Variants in DCTN5 observed in about 807,000 individuals in gnomAD.
The protein encoded by DCTN5 is dynactin subunit 5.
Under a neutral mutation model 23.5 loss-of-function variants are expected in DCTN5, and 14 were observed. The observed-to-expected ratio is 0.60, with a 90% confidence interval of 0.39 to 0.93. The LOEUF (loss-of-function observed/expected upper bound fraction) is 0.93, where lower values mean the gene tolerates loss of function less well. DCTN5 is among the 40% of genes least tolerant of loss of function. The probability of loss-of-function intolerance (pLI) is 0.00; values close to 1 mark genes in which losing one functional copy is unlikely to be tolerated. For missense variants in DCTN5, 156 were observed against 225.9 expected (o/e 0.69, Z 1.98); for synonymous variants, 67 against 79.6 (o/e 0.84, Z 0.84).
chr16:23,659,224 C>A (rs114745937), intron 3 of DCTN5, among the ~76,000 whole-genome samples: 1 of 152,148 alleles, frequency 6.6e-6, no homozygotes, highest in African/African-American at 2.4e-5. Flanking sequence ...CTGATCTGAA[C>A]GACTTTGACC....
chr16:23,653,159 A>G (rs1372228250), intron 2 of DCTN5, among the ~76,000 whole-genome samples: 1 of 152,178 alleles, frequency 6.6e-6, no homozygotes, highest in Admixed American at 6.5e-5. Context: ...ATGAAAAAAT[A>G]AAAAATCAGT....
chr16:23,658,500 C>G lies in DCTN5; in HGVS notation c.118-7C>G. 1 of 1,609,034 alleles carries G rather than the reference C, an allele frequency of 6.2e-7. No homozygotes were observed. The highest frequency in any genetic ancestry group is 8.5e-7 in the Non-Finnish European group (1 of 1,175,414). The stretch of plus-strand genomic sequence containing the variant: ...GCTAATTTTTTAAAATTTGCTTCGT[C>G]TTACAGACCATTGTGATGAATGACT... On this transcript the variant is annotated splice_region_variant and splice_polypyrimidine_tract_variant and intron_variant, in intron 2 of 5. Coordinates refer to ENST00000300087, the MANE Select transcript of DCTN5 (RefSeq NM_032486.4).
intron 4 of DCTN5, among the ~76,000 whole-genome samples, chr16:23,664,864 C>G (rs1180303370): frequency 6.6e-6 from 1 of 152,232 alleles, no homozygotes; most frequent in Non-Finnish European, 1.5e-5. Flanking sequence ...ACCAACCAAC[C>G]AACCTTAAGC....
chr16:23,665,058 C>T (rs929345404), intron 4 of DCTN5, among the ~76,000 whole-genome samples: 13 of 152,202 alleles, frequency 8.5e-5, no homozygotes, highest in African/African-American at 2.9e-4. Flanking sequence ...AATAAGATGC[C>T]TATTCCAGTC....
chr16:23,665,995 G>GTTAA, intron 5 of DCTN5: 1 of 458,222 alleles, frequency 2.2e-6, no homozygotes, highest in Non-Finnish European at 3.9e-6. Context: ...GATTGCACGG[G>GTTAA]TTAATGCTGT....
chr16:23,654,942 TATG>T (rs960722866), intron 2 of DCTN5, among the ~76,000 whole-genome samples: 15 of 152,202 alleles, frequency 9.9e-5, no homozygotes, highest in Admixed American at 6.5e-4. Context: ...CGTTCTTTTT[TATG>T]ACTGAATAAT....
At chr16:23,661,717 T>TATAAATAAATAAATAA (rs370377120) in intron 4 of DCTN5, among the ~76,000 whole-genome samples, 230 of 148,532 alleles carry the variant, frequency 1.5e-3, no homozygotes, top group African/African-American at 4.7e-3. Flanking sequence ...GACACTGTCT[T>TATAAATAAATAAATAA]ATAAATAAAT....
At chr16:23,662,042 C>T (rs558053122) in intron 4 of DCTN5, among the ~76,000 whole-genome samples, 27 of 150,568 alleles carry the variant, frequency 1.8e-4, no homozygotes, top group African/African-American at 6.7e-4. Flanking sequence ...AAAGCAAGAC[C>T]CTTTCTCTTA....
chr16:23,666,833 G>T, intron 5 of DCTN5: 2 of 650,256 alleles, frequency 3.1e-6, no homozygotes, highest in Non-Finnish European at 5.0e-6. Flanking sequence ...GAGGAGGAAG[G>T]AGAGACTTTT....
chr16:23,664,099 A>C (rs773130144), intron 4 of DCTN5, among the ~76,000 whole-genome samples: 1 of 152,188 alleles, frequency 6.6e-6, no homozygotes, highest in Non-Finnish European at 1.5e-5. Context: ...AGGAATTCTT[A>C]GGGTTTATGT....
intron 2 of DCTN5, among the ~76,000 whole-genome samples, chr16:23,657,000 A>AAT (rs1231569413): frequency 3.3e-5 from 5 of 152,018 alleles, no homozygotes; most frequent in Non-Finnish European, 7.4e-5. Flanking sequence ...AAAAAAAAAA[A>AAT]AAAATAAAGA....
In DCTN5 at chr16:23,676,327, G is replaced by A. The variant is rs1352549551; in HGVS notation, c.*9183G>A. 3.9e-5 allele frequency: 6 copies of A among 152,170 alleles called. No individual in the cohort carries two copies. The highest frequency in any genetic ancestry group is 1.4e-4 in the African/African-American group (6 of 41,412). The allele number at this position is 152,170 out of a possible 1,614,324, so 9.4% of individuals were successfully genotyped here. On this transcript the variant is annotated 3_prime_UTR_variant, in exon 6 of 6. Transcript: ENST00000300087. The stretch of plus-strand genomic sequence containing the variant: ...AGTTTGAGACCAGCCTGACCGACAT[G>A]GTGAAAAGTAAAAATACAAAAATAA...
intron 2 of DCTN5, chr16:23,651,248 G>T: frequency 2.0e-6 from 2 of 980,310 alleles, no homozygotes; most frequent in Non-Finnish European, 2.4e-6. Context: ...GTGAAGGGCA[G>T]CCACCTCCTT....
intron 2 of DCTN5, chr16:23,657,367 G>T: frequency 6.5e-6 from 2 of 307,334 alleles, no homozygotes; most frequent in South Asian, 4.7e-5. Flanking sequence ...TAGGCGGGAG[G>T]ATCCCTTGAG....
rs770056580 is a variant in DCTN5 at position 23,672,485 on chromosome 16, C to T, written c.*5341C>T. The T allele has an allele frequency of 3.3e-5, 5 of 152,076 alleles. No individual in the cohort carries two copies. The highest frequency in any genetic ancestry group is 4.8e-5 in the African/African-American group (2 of 41,408). The allele number at this position is 152,076 out of a possible 1,614,324, so 9.4% of individuals were successfully genotyped here. On this transcript the variant is annotated 3_prime_UTR_variant, in exon 6 of 6. Coordinates refer to ENST00000300087, the MANE Select transcript of DCTN5 (RefSeq NM_032486.4). ...GAGTTTTTAGTCTATTGAGTTTAAC[C>T]GACAGATCATACTGTGTTTTGGTAG...
chr16:23,666,874 C>A, intron 5 of DCTN5, 173 bp from the exon 6 acceptor site: 1 of 988,168 alleles, frequency 1.0e-6, no homozygotes, highest in Non-Finnish European at 1.4e-6. Context: ...TGGGGTCCTG[C>A]TGTGAAAAAG....
chr16:23,669,054 G>A lies in DCTN5; in HGVS notation c.*1910G>A, dbSNP rs987042005. 6 of 152,776 alleles carry A rather than the reference G, an allele frequency of 3.9e-5. No homozygotes were observed. The highest frequency in any genetic ancestry group is 9.6e-5 in the African/African-American group (4 of 41,582). The allele number at this position is 152,776 out of a possible 1,614,324, so 9.5% of individuals were successfully genotyped here. A position where few individuals can be genotyped will look rare whatever the true frequency, so the allele number is the denominator to read the frequency against. On this transcript the variant is annotated 3_prime_UTR_variant, in exon 6 of 6. Transcript: ENST00000300087. ...CGAAGATGTGTTGACAGTCGTGAGTGTGTATCCTAGGAAAGGCGAGCTGGA... is the reference window on the plus strand; with the variant it reads ...CGAAGATGTGTTGACAGTCGTGAGTATGTATCCTAGGAAAGGCGAGCTGGA...
intron 2 of DCTN5, among the ~76,000 whole-genome samples, chr16:23,644,551 T>C (rs8055963): frequency 0.063 from 9,586 of 151,744 alleles, 643 homozygotes; most frequent in African/African-American, 0.16. Context: ...CCACCTGCCT[T>C]GTCCTCCGAA....
At chr16:23,645,102 TATATATATATATATATATATATATATATA>T (rs1257388345) in intron 2 of DCTN5, among the ~76,000 whole-genome samples, 1,513 of 30,288 alleles carry the variant, frequency 0.05, 93 homozygotes, top group South Asian at 0.076. Flanking sequence ...TATATATATA[TATATATATATATATATATATATATATATA>T]TATATATTTT....
Sources: gnomAD v4.1 joint callset for allele counts (sites outside exome capture counted in the v4.1 genomes callset) on GRCh38, gnomAD v4.1.1 for gene constraint, MANE v1.5 for transcripts, NCBI Gene and HGNC (gene_info 2026-07-23, HGNC 2026-07-21) for gene names.